Variants in MAPKAPK5 observed in about 807,000 individuals in gnomAD.
MAPKAPK5 encodes the protein MAP kinase-activated protein kinase 5.
In MAPKAPK5, 30 loss-of-function variants were observed where a neutral mutation model predicts 65.1. The observed-to-expected ratio is 0.46, with a 90% CI of 0.34 to 0.63. The LOEUF (loss-of-function observed/expected upper bound fraction) is 0.63. Among genes scored for constraint, MAPKAPK5 ranks in the 20% least tolerant of loss-of-function variants. The pLI is 0.01. For synonymous variants in MAPKAPK5, 179 were observed against 204.6 expected (o/e 0.87, Z 1.07); for missense variants, 433 against 581.4 (o/e 0.74, Z 2.63).
chr12:111,869,917 A>C (rs574868596), intron 5 of MAPKAPK5, among the ~76,000 whole-genome samples: 2 of 152,128 alleles, frequency 1.3e-5, no homozygotes, highest in Non-Finnish European at 2.9e-5. Flanking sequence ...CCTGCTGACC[A>C]TTGCTCAGCT....
chr12:111,882,941 C>A (rs1288999094), intron 8 of MAPKAPK5: 3 of 681,774 alleles, frequency 4.4e-6, no homozygotes, highest in African/African-American at 2.0e-5. Context: ...CTGGCTGGGG[C>A]AAAGCATCCT....
chr12:111,901,684 G>A lies in MAPKAPK5; in HGVS notation c.*8623G>A. The A allele has an allele frequency of 3.8e-6, 1 of 264,054 alleles. No individual in the cohort carries two copies. Among genetic ancestry groups the A allele is most frequent in the Non-Finnish European group, 7.4e-6 (1 of 134,440 alleles). 16.4% of individuals were successfully genotyped at this position (264,054 alleles called of 1,614,324 possible). ...AAGAAGAGGAGGAGGAGGAAGAAGA[G>A]GAGGAAGAATCAGATTCCTAAGGTT... On this transcript the variant is annotated 3_prime_UTR_variant, in exon 14 of 14. Coordinates refer to ENST00000550735, the MANE Select transcript of MAPKAPK5 (RefSeq NM_003668.4).
At position 111,888,922 on chromosome 12, in the gene MAPKAPK5, G is replaced by A. The variant is rs375055742; in HGVS notation, c.1138G>A (p.Glu380Lys). Residue 380 changes from glutamate (E) to lysine (K), a missense_variant, in exon 12 of 14, where the codon GAG becomes AAG. Glu to Lys is a moderately conservative substitution (Grantham distance 56). This residue lies in a region of MAPKAPK5 where 169 missense variants were observed against 215.6 expected (regional missense o/e 0.78). Coordinates refer to ENST00000550735, the MANE Select transcript of MAPKAPK5 (RefSeq NM_003668.4). The stretch of plus-strand genomic sequence containing the variant: ...GGACAGTGTCTATATCCACGACCAT[G>A]AGAATGGAGCCGAGGATTCCAATGT... ...PKDSVYIHDH[E>K]NGAEDSNVAL... 2 of 1,613,600 alleles carry A rather than the reference G, an allele frequency of 1.2e-6. No individual in the cohort carries two copies. The highest frequency in any genetic ancestry group is 1.7e-6 in the Non-Finnish European group (2 of 1,179,756).
chr12:111,871,551 G>A (rs1836486889), intron 7 of MAPKAPK5, among the ~76,000 whole-genome samples: 2 of 152,226 alleles, frequency 1.3e-5, no homozygotes. Flanking sequence ...GCTGAGGCAG[G>A]AGAATCGCTT....
At chr12:111,873,134 T>C (rs2069837683) in intron 7 of MAPKAPK5, among the ~76,000 whole-genome samples, 1 of 152,200 alleles carries the variant, frequency 6.6e-6, no homozygotes, top group Non-Finnish European at 1.5e-5. Context: ...TGATGTTTTC[T>C]TATAAGAGGT....
Position 111,888,550 on chromosome 12 carries a change from T to A in MAPKAPK5, c.1032T>A (p.Asp344Glu), listed in dbSNP as rs1434860725. Residue 344 changes from aspartate (D) to glutamate (E), a missense_variant, in exon 11 of 14, where the codon GAT (aspartate) becomes GAA (glutamate). Physicochemically the swap from Asp to Glu is conservative, Grantham distance 45 (BLOSUM62 2). Transcript: ENST00000550735. Reference sequence around the variant, plus strand: ...AGTTGGCCAACATGAGAATCCAGGATCTGAAAGTCAGCCTCAAACCCCTGC... The same window carrying A: ...AGTTGGCCAACATGAGAATCCAGGAACTGAAAGTCAGCCTCAAACCCCTGC... ...AEQLANMRIQ[D>E]LKVSLKPLHS... The A allele has an allele frequency of 6.2e-7, 1 of 1,613,956 alleles. No individual in the cohort carries two copies. The highest frequency in any genetic ancestry group is 2.2e-5 in the East Asian group (1 of 44,876).
intron 13 of MAPKAPK5, among the ~76,000 whole-genome samples, chr12:111,890,488 A>G (rs903491821): frequency 2.6e-5 from 4 of 152,214 alleles, no homozygotes; most frequent in Non-Finnish European, 5.9e-5. Context: ...AAGAAGCAAC[A>G]GATGCTGAAG....
chr12:111,899,999 G>T lies in MAPKAPK5; in HGVS notation c.*6938G>T, dbSNP rs2070971175. ...TCGTGGTCAACAACCAGCGGTTCCAGATGTGGGGCAGTAACGTCAATGAGA... is the reference window on the plus strand; with the variant it reads ...TCGTGGTCAACAACCAGCGGTTCCATATGTGGGGCAGTAACGTCAATGAGA... On this transcript the variant is annotated 3_prime_UTR_variant, in exon 14 of 14. Coordinates refer to ENST00000550735, the MANE Select transcript of MAPKAPK5 (RefSeq NM_003668.4). The T allele has an allele frequency of 2.2e-6, 1 of 455,986 alleles. No homozygotes were observed. The highest frequency in any genetic ancestry group is 2.0e-5 in the African/African-American group (1 of 50,088). The allele number at this position is 455,986 out of a possible 1,614,324, so 28.2% of individuals were successfully genotyped here.
At chr12:111,881,392 C>T (rs1433671583) in intron 8 of MAPKAPK5, among the ~76,000 whole-genome samples, 1 of 120,280 alleles carries the variant, frequency 8.3e-6, no homozygotes, top group Non-Finnish European at 1.7e-5. Flanking sequence ...ACATATTGAT[C>T]CTGTCTGTTC....
At chr12:111,886,949 C>T (rs892926449) in intron 10 of MAPKAPK5, among the ~76,000 whole-genome samples, 1 of 152,056 alleles carries the variant, frequency 6.6e-6, no homozygotes, top group East Asian at 1.9e-4. Flanking sequence ...TACAGTTTTT[C>T]GTGATAGACT....
chr12:111,895,922 AT>A lies in MAPKAPK5; in HGVS notation c.*2863del, dbSNP rs2070793724. The A allele has an allele frequency of 6.6e-6, 1 of 152,236 alleles. No homozygotes were observed. The highest frequency in any genetic ancestry group is 2.1e-4 in the South Asian group (1 of 4,826). 9.4% of individuals were successfully genotyped at this position (152,236 alleles called of 1,614,324 possible). ...ACCAGAAAACTTGACTGAGAGTTGA[AT>A]TAAGTGCCTGTTGTTGTGTTTTTCA... On this transcript the variant is annotated 3_prime_UTR_variant, in exon 14 of 14. Coordinates refer to ENST00000550735, the MANE Select transcript of MAPKAPK5 (RefSeq NM_003668.4).
intron 1 of MAPKAPK5, among the ~76,000 whole-genome samples, chr12:111,850,375 G>C (rs12302040): frequency 3.3e-5 from 5 of 152,022 alleles, no homozygotes; most frequent in Non-Finnish European, 7.4e-5. Flanking sequence ...ACGTGGGTGC[G>C]AGAGTGCTAT....
chr12:111,882,833 G>A (rs2070280325), intron 8 of MAPKAPK5: 1 of 985,140 alleles, frequency 1.0e-6, no homozygotes, highest in Non-Finnish European at 1.2e-6. Flanking sequence ...CCTTTATGAA[G>A]TGGCCTGTGC....
chr12:111,856,301 A>G (rs2069238222), intron 1 of MAPKAPK5, among the ~76,000 whole-genome samples: 1 of 152,120 alleles, frequency 6.6e-6, no homozygotes, highest in Non-Finnish European at 1.5e-5. Context: ...GGCCTATCAT[A>G]AGCCATTTCA....
chr12:111,891,542 C>G (rs2070606373), intron 13 of MAPKAPK5, among the ~76,000 whole-genome samples: 1 of 149,958 alleles, frequency 6.7e-6, no homozygotes, highest in African/African-American at 2.5e-5. Flanking sequence ...GCATGTAATC[C>G]CAACACTTTG....
At chr12:111,853,559 G>T (rs1024461211) in intron 1 of MAPKAPK5, among the ~76,000 whole-genome samples, 3 of 151,960 alleles carry the variant, frequency 2.0e-5, no homozygotes, top group Admixed American at 2.0e-4. Flanking sequence ...TTTTGAGATG[G>T]AGTCTCTCTC....
intron 3 of MAPKAPK5, among the ~76,000 whole-genome samples, chr12:111,866,685 C>T (rs1304761687): frequency 1.3e-5 from 2 of 152,212 alleles, no homozygotes; most frequent in Non-Finnish European, 2.9e-5. Flanking sequence ...TCTCGGCTTA[C>T]GGCAACCTCC....
intron 7 of MAPKAPK5, among the ~76,000 whole-genome samples, chr12:111,878,398 C>CTATT (rs934719107): frequency 2.0e-5 from 3 of 150,392 alleles, no homozygotes; most frequent in Admixed American, 6.7e-5. Context: ...ATTTGTTGTT[C>CTATT]TATTTATTTA....
rs1159091861 is a variant in MAPKAPK5, at chr12:111,902,048, T to C, written c.*8987T>C. On this transcript the variant is annotated 3_prime_UTR_variant, in exon 14 of 14. Transcript: ENST00000550735. ...TCTATTTGTTTGACATACAGAATCA[T>C]ATGTACCTGAATTTATTACTAACTC... The C allele has an allele frequency of 6.6e-6, 1 of 152,456 alleles. No individual in the cohort carries two copies. Among genetic ancestry groups the C allele is most frequent in the African/African-American group, 2.4e-5 (1 of 41,458 alleles). The allele number at this position is 152,456 out of a possible 1,614,324, so 9.4% of individuals were successfully genotyped here.
Sources: allele counts gnomAD v4.1 joint callset (sites outside exome capture counted in the v4.1 genomes callset), GRCh38; gene constraint gnomAD v4.1.1; regional missense constraint gnomAD v4.1.1; transcripts MANE v1.5; gene names NCBI Gene and HGNC (gene_info 2026-07-23, HGNC 2026-07-21).